Variants in KIF16B observed in about 807,000 individuals in gnomAD.
KIF16B encodes the protein kinesin family member 16B.
Under a neutral mutation model 156.3 loss-of-function variants are expected in KIF16B, and 98 were observed. That is an observed-to-expected ratio of 0.63 (90% confidence interval 0.53 to 0.74). KIF16B has a LOEUF of 0.74. Among genes scored for constraint, KIF16B ranks in the 30% least tolerant of loss-of-function variants. The pLI is 0.00. For synonymous variants in KIF16B, 564 were observed against 583.7 expected, an observed-to-expected ratio of 0.97 and a Z score of 0.49; for missense variants, 1,421 against 1,606.5, an observed-to-expected ratio of 0.88 and a Z score of 1.97.
intron 1 of KIF16B, among the ~76,000 whole-genome samples, chr20:16,562,848 A>T (rs2147373334): frequency 6.6e-6 from 1 of 152,276 alleles, no homozygotes; most frequent in South Asian, 2.1e-4. Flanking sequence ...CTTCTTTGAG[A>T]CTCAGTTTCC....
chr20:16,555,315 C>T (rs1006675542), intron 1 of KIF16B, among the ~76,000 whole-genome samples: 6 of 152,152 alleles, frequency 3.9e-5, no homozygotes, highest in Non-Finnish European at 4.4e-5. Context: ...GGATATGAGA[C>T]GAAATCAGAA....
chr20:16,348,053 A>C (rs1232480572), intron 23 of KIF16B, among the ~76,000 whole-genome samples: 1 of 152,260 alleles, frequency 6.6e-6, no homozygotes, highest in African/African-American at 2.4e-5. Flanking sequence ...TGGCAGGCCA[A>C]TCTACCATCA....
intron 12 of KIF16B, among the ~76,000 whole-genome samples, chr20:16,434,545 T>A (rs978522078): frequency 1.3e-5 from 2 of 152,224 alleles, no homozygotes; most frequent in Non-Finnish European, 2.9e-5. Flanking sequence ...GGATCTAGAT[T>A]GTACTTGGAA....
At chr20:16,326,660 A>C (rs2063855518) in intron 24 of KIF16B, among the ~76,000 whole-genome samples, 1 of 151,980 alleles carries the variant, frequency 6.6e-6, no homozygotes, top group Non-Finnish European at 1.5e-5. Flanking sequence ...AATTTAAAAA[A>C]TCAAAAAAAT....
chr20:16,406,594 G>T (rs1034569062), intron 15 of KIF16B, 138 bp from the exon 16 acceptor site: 2 of 780,896 alleles, frequency 2.6e-6, no homozygotes, highest in Non-Finnish European at 4.1e-6. Flanking sequence ...AGTCTCAAAA[G>T]TCTGCTTACT....
Position 16,273,207 on chromosome 20 carries a change from T to A in KIF16B, c.*46A>T. 1 of 1,558,628 alleles carries A rather than the reference T, an allele frequency of 6.4e-7. No homozygotes were observed. The highest frequency in any genetic ancestry group is 8.8e-7 in the Non-Finnish European group (1 of 1,131,924). On this transcript the variant is annotated 3_prime_UTR_variant, in exon 26 of 26. Coordinates refer to ENST00000354981, the MANE Select transcript of KIF16B (RefSeq NM_024704.5). Reference sequence around the variant, plus strand: ...GAGCTGCCCTGCATCGGAGCCCGCTTCGACGAGAAGGCACTGCTGTGGTGG... The same window carrying A: ...GAGCTGCCCTGCATCGGAGCCCGCTACGACGAGAAGGCACTGCTGTGGTGG...
At chr20:16,280,429 C>CCTTG (rs2063127258) in intron 25 of KIF16B, among the ~76,000 whole-genome samples, 1 of 152,206 alleles carries the variant, frequency 6.6e-6, no homozygotes, top group East Asian at 1.9e-4. Context: ...AAGGCCAAGG[C>CCTTG]CAGCCTGTGC....
At chr20:16,517,511 G>A (rs2069181554) in intron 3 of KIF16B, among the ~76,000 whole-genome samples, 1 of 152,210 alleles carries the variant, frequency 6.6e-6, no homozygotes, top group South Asian at 2.1e-4. Context: ...TGAATGGGGA[G>A]AAGTCAGGTA....
rs188319678 is a variant in KIF16B, at chr20:16,505,964, T to G, written c.868+58A>C. On this transcript the variant is annotated intron_variant, in intron 8 of 25. Coordinates refer to ENST00000354981, the MANE Select transcript of KIF16B (RefSeq NM_024704.5). ...ATTACCTCAGTTTGCAACCCAAATA[T>G]TACACATGAGGAAAAAGAGGAGGAA... 4.4e-6 allele frequency: 7 copies of G among 1,608,506 alleles called. No individual in the cohort carries two copies. The African/African-American group carries it at 5.4e-5, about 12-fold the overall frequency.
intron 15 of KIF16B, among the ~76,000 whole-genome samples, chr20:16,406,769 CTG>C (rs1246590475): frequency 6.6e-6 from 1 of 151,938 alleles, no homozygotes; most frequent in African/African-American, 2.4e-5. Flanking sequence ...TTTTGATTGT[CTG>C]GAAGAAAAAA....
At chr20:16,486,698 T>C (rs555892429) in intron 12 of KIF16B, among the ~76,000 whole-genome samples, 48 of 152,216 alleles carry the variant, frequency 3.2e-4, no homozygotes, top group African/African-American at 1.0e-3. Flanking sequence ...CAATATATTA[T>C]CGTCACATAG....
intron 12 of KIF16B, among the ~76,000 whole-genome samples, chr20:16,466,643 G>C (rs970021621): frequency 2.0e-5 from 3 of 152,190 alleles, no homozygotes; most frequent in African/African-American, 7.2e-5. Context: ...CAGCCACGTG[G>C]AACTGTGAGT....
At position 16,367,434 on chromosome 20, in the gene KIF16B, T is replaced by C. The variant is rs2064697082; in HGVS notation, c.3498+3152A>G. On this transcript the variant is annotated intron_variant, in intron 22 of 25. Transcript: ENST00000354981. The stretch of plus-strand genomic sequence containing the variant: ...CATGGCATTTGATCACATCAAATTG[T>C]GCACCCGGAGGAGGTATGTTTCGAG... 3 of 1,612,912 alleles carry C rather than the reference T, an allele frequency of 1.9e-6. No individual in the cohort carries two copies. In the Middle Eastern group the frequency reaches 4.9e-4, roughly 266 times the overall value.
intron 7 of KIF16B, among the ~76,000 whole-genome samples, chr20:16,507,073 C>A (rs1160292123): frequency 6.7e-6 from 1 of 149,594 alleles, no homozygotes; most frequent in African/African-American, 2.5e-5. Context: ...GCACTCCAGC[C>A]TGGGCAACAG....
intron 12 of KIF16B, among the ~76,000 whole-genome samples, chr20:16,437,868 C>A (rs1409357275): frequency 1.3e-5 from 2 of 151,744 alleles, no homozygotes; most frequent in Non-Finnish European, 2.9e-5. Context: ...CGTGGTGGCT[C>A]ATGCCTGTAA....
chr20:16,330,163 C>G (rs559161646), intron 24 of KIF16B, among the ~76,000 whole-genome samples: 112 of 152,320 alleles, frequency 7.4e-4, no homozygotes, highest in South Asian at 4.1e-3. Flanking sequence ...TAGGTTACTT[C>G]TATTTTATTC....
chr20:16,339,652 C>T (rs1568864419), intron 23 of KIF16B, among the ~76,000 whole-genome samples: 1 of 152,296 alleles, frequency 6.6e-6, no homozygotes, highest in South Asian at 2.1e-4. Context: ...TGCTCCCTTT[C>T]CCCATCTCAG....
chr20:16,516,058 C>T (rs1008655007), intron 3 of KIF16B, among the ~76,000 whole-genome samples: 3 of 152,142 alleles, frequency 2.0e-5, no homozygotes, highest in Non-Finnish European at 4.4e-5. Flanking sequence ...ATACTCAAAA[C>T]CTGAAGGTCA....
At chr20:16,527,567 T>C (rs2069592506) in intron 2 of KIF16B, among the ~76,000 whole-genome samples, 1 of 152,142 alleles carries the variant, frequency 6.6e-6, no homozygotes, top group African/African-American at 2.4e-5. Context: ...TCTTTCTTTT[T>C]TGTTGTTGTT....
Sources: allele counts gnomAD v4.1 joint callset (sites outside exome capture counted in the v4.1 genomes callset), GRCh38; gene constraint gnomAD v4.1.1; transcripts MANE v1.5; gene names NCBI Gene and HGNC (gene_info 2026-07-23, HGNC 2026-07-21).